The following AFG2A variants were observed in gnomAD, a reference collection of about 807,000 sequenced individuals.
AFG2A encodes ATPase family gene 2 protein homolog A.
the AFG2A span, among the ~76,000 whole-genome samples, chr4:122,973,661 C>G: frequency 6.6e-6 from 1 of 152,034 alleles, no homozygotes; most frequent in African/African-American, 2.4e-5. Context: ...TTAAGTTGTG[C>G]TATGTTTATT....
At chr4:123,169,911 A>C in the AFG2A span, among the ~76,000 whole-genome samples, 1 of 152,216 alleles carries the variant, frequency 6.6e-6, no homozygotes, top group East Asian at 1.9e-4. Flanking sequence ...GTTAGTGCTA[A>C]ATGATTGGAA....
At chr4:123,171,440 A>G in the AFG2A span, among the ~76,000 whole-genome samples, 1 of 152,216 alleles carries the variant, frequency 6.6e-6, no homozygotes, top group Non-Finnish European at 1.5e-5. Flanking sequence ...GAATAGGCAG[A>G]AGGATAAGTA....
At chr4:123,261,015 G>A in the AFG2A span, among the ~76,000 whole-genome samples, 8 of 152,152 alleles carry the variant, frequency 5.3e-5, no homozygotes, top group South Asian at 2.1e-4. Context: ...TGAACTATGC[G>A]TGCGAGGGAT....
At chr4:123,069,977 C>T in the AFG2A span, among the ~76,000 whole-genome samples, 1 of 152,054 alleles carries the variant, frequency 6.6e-6, no homozygotes, top group African/African-American at 2.4e-5. Context: ...TCTTAGTATT[C>T]GCTTGGTGGT....
chr4:123,193,241 A>C, the AFG2A span, among the ~76,000 whole-genome samples: 1 of 152,228 alleles, frequency 6.6e-6, no homozygotes, highest in East Asian at 1.9e-4. Context: ...TTGTTTATGC[A>C]CGTACACATT....
chr4:123,036,000 A>G, the AFG2A span, among the ~76,000 whole-genome samples: 20 of 152,142 alleles, frequency 1.3e-4, no homozygotes, highest in Admixed American at 3.3e-4. Flanking sequence ...TTTTCTTTCT[A>G]TCTCAATTCC....
At chr4:123,188,066 G>C in the AFG2A span, among the ~76,000 whole-genome samples, 3 of 151,186 alleles carry the variant, frequency 2.0e-5, no homozygotes, top group Non-Finnish European at 4.4e-5. Flanking sequence ...AAAAACAGAA[G>C]AAAGATAATG....
the AFG2A span, among the ~76,000 whole-genome samples, chr4:123,265,073 T>C: frequency 6.6e-6 from 1 of 152,068 alleles, no homozygotes; most frequent in African/African-American, 2.4e-5. Flanking sequence ...ACTCTGACAG[T>C]GCACAGAACT....
the AFG2A span, among the ~76,000 whole-genome samples, chr4:122,954,571 G>A: frequency 6.6e-6 from 1 of 152,218 alleles, no homozygotes; most frequent in African/African-American, 2.4e-5. Flanking sequence ...CATGGGAGCT[G>A]GCGACCCTTC....
chr4:122,977,321 G>C, the AFG2A span, among the ~76,000 whole-genome samples: 3 of 152,226 alleles, frequency 2.0e-5, no homozygotes, highest in East Asian at 3.8e-4. Flanking sequence ...AGCAGTGAAG[G>C]GGGTGTGAGT....
chr4:123,172,165 A>G, the AFG2A span, among the ~76,000 whole-genome samples: 1 of 152,180 alleles, frequency 6.6e-6, no homozygotes, highest in Non-Finnish European at 1.5e-5. Flanking sequence ...GGTAATTAGT[A>G]CATAAACACT....
chr4:123,126,383 C>T, the AFG2A span, among the ~76,000 whole-genome samples: 2 of 152,070 alleles, frequency 1.3e-5, no homozygotes, highest in South Asian at 2.1e-4. Context: ...TCTTCTGTAC[C>T]ACCTAGCTTA....
chr4:122,990,492 T>G, the AFG2A span, among the ~76,000 whole-genome samples: 1 of 152,222 alleles, frequency 6.6e-6, no homozygotes, highest in African/African-American at 2.4e-5. Flanking sequence ...TTTAAATTGT[T>G]AGCTAAAAAT....
chr4:123,082,333 A>AT, the AFG2A span, among the ~76,000 whole-genome samples: 330 of 151,722 alleles, frequency 2.2e-3, 1 homozygote, highest in African/African-American at 4.1e-3. Context: ...GTCTAGATTC[A>AT]TTTTTTTTGC....
At chr4:123,042,576 G>T in the AFG2A span, among the ~76,000 whole-genome samples, 1 of 152,142 alleles carries the variant, frequency 6.6e-6, no homozygotes, top group Non-Finnish European at 1.5e-5. Flanking sequence ...CAACTTGAAA[G>T]ATTTGTTAAT....
the AFG2A span, among the ~76,000 whole-genome samples, chr4:123,158,426 A>C: frequency 3.3e-5 from 5 of 152,304 alleles, no homozygotes; most frequent in South Asian, 4.1e-4. Flanking sequence ...TATCAATGCA[A>C]TTTGATATAA....
chr4:123,022,915 C>T, the AFG2A span, among the ~76,000 whole-genome samples: 6 of 152,022 alleles, frequency 3.9e-5, no homozygotes, highest in South Asian at 4.2e-4. Context: ...AATCATCATT[C>T]GCAGTAAACT....
At chr4:123,230,325 C>G in the AFG2A span, among the ~76,000 whole-genome samples, 1 of 152,026 alleles carries the variant, frequency 6.6e-6, no homozygotes, top group Admixed American at 6.6e-5. Context: ...GTAAGGTTCA[C>G]AGCGTCTTCA....
At chr4:123,212,125 T>C in the AFG2A span, among the ~76,000 whole-genome samples, 1 of 152,184 alleles carries the variant, frequency 6.6e-6, no homozygotes, top group South Asian at 2.1e-4. Context: ...CTTTTCTTGC[T>C]ATGTAGATTA....
Sources: gnomAD v4.1 joint callset for allele counts (sites outside exome capture counted in the v4.1 genomes callset) on GRCh38, gnomAD v4.1.1 for gene constraint, MANE v1.5 for transcripts, NCBI Gene and HGNC (gene_info 2026-07-23, HGNC 2026-07-21) for gene names.